The following GRIN2A variants were observed in gnomAD, a reference collection of about 807,000 sequenced individuals.
GRIN2A encodes the protein glutamate ionotropic receptor NMDA type subunit 2A.
In GRIN2A, 22 loss-of-function variants were observed where a neutral mutation model predicts 113.4. The observed-to-expected ratio is 0.19, with a 90% CI of 0.14 to 0.28. The LOEUF is 0.28. GRIN2A is among the 10% of genes least tolerant of loss of function. The probability of loss-of-function intolerance (pLI) is 1.00; values close to 1 mark genes in which losing one functional copy is unlikely to be tolerated. For missense variants in GRIN2A, 1,502 were observed against 1,887.0 expected (o/e 0.80, Z 3.78); for synonymous variants, 827 against 738.4 (o/e 1.12, Z -1.94).
chr16:10,067,419 C>A lies in GRIN2A; in HGVS notation c.414+112579G>T, dbSNP rs189936180. On this transcript the variant is annotated intron_variant, in intron 2 of 12. Coordinates refer to ENST00000330684, the MANE Select transcript of GRIN2A (RefSeq NM_001134407.3). ...TGAACAATTAGATGTGCTATTTAGG[C>A]AAAATAAAAAATATATTGCACATTT... Among the ~76,000 whole-genome samples the A allele has an allele frequency of 3.3e-5, 5 of 152,194 alleles. No individual in the cohort carries two copies. The East Asian group carries it at 9.6e-4, about 29-fold the overall frequency.
rs1270799144 is a variant in GRIN2A, at chr16:9,813,992, A to ATCTT, written c.2168+8268_2168+8271dup. Reference sequence around the variant, plus strand: ...AGCAAATAAAACCTGCTCAAATGGCATCTTTGAAAAAATTTGCTCTGCAGA... The same window carrying ATCTT: ...AGCAAATAAAACCTGCTCAAATGGCATCTTTCTTTGAAAAAATTTGCTCTGCAGA... On this transcript the variant is annotated intron_variant, in intron 10 of 12. Coordinates refer to ENST00000330684, the MANE Select transcript of GRIN2A (RefSeq NM_001134407.3). Among the ~76,000 whole-genome samples, 3 of 152,146 alleles carry ATCTT rather than the reference A, an allele frequency of 2.0e-5. No individual in the cohort carries two copies. The South Asian group carries it at 6.2e-4, about 32-fold the overall frequency.
intron 2 of GRIN2A, among the ~76,000 whole-genome samples, chr16:10,074,486 C>T (rs1815928531): frequency 6.6e-6 from 1 of 151,004 alleles, no homozygotes; most frequent in African/African-American, 2.4e-5. Context: ...ATCTAAACAT[C>T]CTACAATCAA....
intron 10 of GRIN2A, among the ~76,000 whole-genome samples, chr16:9,798,877 A>AT (rs1408352385): frequency 2.0e-5 from 3 of 152,202 alleles, no homozygotes; most frequent in Non-Finnish European, 1.5e-5. Context: ...AAATAGGAAT[A>AT]TTTTTTCCTC....
intron 2 of GRIN2A, among the ~76,000 whole-genome samples, chr16:9,996,195 G>C (rs192522007): frequency 2.6e-5 from 4 of 152,184 alleles, no homozygotes; most frequent in African/African-American, 9.6e-5. Flanking sequence ...GAAGATGCGA[G>C]CCAACCAAGA....
chr16:10,098,288 C>T (rs1450839091), intron 2 of GRIN2A, among the ~76,000 whole-genome samples: 1 of 151,906 alleles, frequency 6.6e-6, no homozygotes, highest in Non-Finnish European at 1.5e-5. Context: ...TGGCCATAAT[C>T]AAAAAATTAA....
At chr16:10,107,474 T>C (rs1478282452) in intron 2 of GRIN2A, among the ~76,000 whole-genome samples, 1 of 152,200 alleles carries the variant, frequency 6.6e-6, no homozygotes, top group Non-Finnish European at 1.5e-5. Context: ...TCCTGCTGGC[T>C]CTGTTGCTAC....
At chr16:10,005,403 T>C (rs1448081774) in intron 2 of GRIN2A, among the ~76,000 whole-genome samples, 1 of 152,222 alleles carries the variant, frequency 6.6e-6, no homozygotes, top group Non-Finnish European at 1.5e-5. Context: ...TTTTTATTAC[T>C]CACATTAACT....
At chr16:9,986,810 T>A (rs184372507) in intron 2 of GRIN2A, among the ~76,000 whole-genome samples, 180 of 152,026 alleles carry the variant, frequency 1.2e-3, no homozygotes, top group African/African-American at 4.2e-3. Flanking sequence ...TTTGTCAGTA[T>A]TTTATCTTTC....
At chr16:9,883,898 G>C (rs982393739) in intron 4 of GRIN2A, among the ~76,000 whole-genome samples, 1 of 152,200 alleles carries the variant, frequency 6.6e-6, no homozygotes, top group African/African-American at 2.4e-5. Flanking sequence ...GAAGACACAA[G>C]GAAGGGTCTC....
At chr16:10,135,768 C>G (rs891474092) in intron 2 of GRIN2A, among the ~76,000 whole-genome samples, 2 of 152,170 alleles carry the variant, frequency 1.3e-5, no homozygotes, top group African/African-American at 4.8e-5. Context: ...GAAGCCTCAG[C>G]TCTACTCTTA....
rs78426284 is a variant in GRIN2A at position 9,759,396 on chromosome 16, G to A, written c.*3753C>T. Reference sequence around the variant, plus strand: ...GAATATTAAATACACATCAGTGGTCGACATAGCAAATAGAATAAACAATGT... The same window carrying A: ...GAATATTAAATACACATCAGTGGTCAACATAGCAAATAGAATAAACAATGT... On this transcript the variant is annotated 3_prime_UTR_variant, in exon 13 of 13. Transcript: ENST00000330684. The A allele has an allele frequency of 1.6e-4, 36 of 224,636 alleles. No individual in the cohort carries two copies. Among genetic ancestry groups the A allele is most frequent in the Admixed American group, 8.0e-4 (14 of 17,534 alleles). 13.9% of individuals were successfully genotyped at this position (224,636 alleles called of 1,614,324 possible).
intron 2 of GRIN2A, among the ~76,000 whole-genome samples, chr16:10,097,061 C>G (rs966732105): frequency 2.6e-5 from 4 of 152,192 alleles, no homozygotes; most frequent in Non-Finnish European, 5.9e-5. Context: ...TCTGTTTCAA[C>G]TCTTCTGAAA....
At chr16:9,988,489 A>C (rs2046032411) in intron 2 of GRIN2A, among the ~76,000 whole-genome samples, 1 of 152,014 alleles carries the variant, frequency 6.6e-6, no homozygotes, top group Non-Finnish European at 1.5e-5. Flanking sequence ...TCTATATCAA[A>C]TCCCCACCAT....
At chr16:10,125,991 C>G (rs867187293) in intron 2 of GRIN2A, among the ~76,000 whole-genome samples, 12 of 152,116 alleles carry the variant, frequency 7.9e-5, no homozygotes, top group African/African-American at 2.6e-4. Context: ...AGGAGGAGCC[C>G]CAGACTCCTT....
chr16:10,001,347 G>C (rs539426918), intron 2 of GRIN2A, among the ~76,000 whole-genome samples: 2 of 152,180 alleles, frequency 1.3e-5, no homozygotes, highest in Non-Finnish European at 2.9e-5. Context: ...TCACCTGGTT[G>C]CAAGTGACAG....
At chr16:9,994,890 T>C (rs1466942308) in intron 2 of GRIN2A, among the ~76,000 whole-genome samples, 2 of 152,140 alleles carry the variant, frequency 1.3e-5, no homozygotes, top group African/African-American at 4.8e-5. Flanking sequence ...CAAACAAACA[T>C]ACAACCTCAT....
chr16:9,992,353 T>A, intron 2 of GRIN2A, among the ~76,000 whole-genome samples: 1 of 152,264 alleles, frequency 6.6e-6, no homozygotes, highest in Middle Eastern at 3.4e-3. Flanking sequence ...GATGTTCCCA[T>A]GTGAAGATGG....
At chr16:10,062,759 G>A (rs1188185093) in intron 2 of GRIN2A, among the ~76,000 whole-genome samples, 1 of 152,052 alleles carries the variant, frequency 6.6e-6, no homozygotes, top group African/African-American at 2.4e-5. Context: ...CGGCTACTCG[G>A]GAGGCAGTGG....
intron 2 of GRIN2A, among the ~76,000 whole-genome samples, chr16:10,127,806 A>C (rs1314898683): frequency 6.6e-6 from 1 of 152,218 alleles, no homozygotes; most frequent in African/African-American, 2.4e-5. Context: ...GCTCTTCCAT[A>C]GTAAAGAATT....
Sources: allele counts gnomAD v4.1 joint callset (sites outside exome capture counted in the v4.1 genomes callset), GRCh38; gene constraint gnomAD v4.1.1; transcripts MANE v1.5; gene names NCBI Gene and HGNC (gene_info 2026-07-23, HGNC 2026-07-21).